MED12L: variants seen among roughly 807,000 people sequenced by gnomAD.
The protein encoded by MED12L is mediator complex subunit 12L, also known as mediator of RNA polymerase II transcription subunit 12-like protein.
Under a neutral mutation model 281.3 loss-of-function variants are expected in MED12L, and 60 were observed. The observed-to-expected ratio is 0.21, with a 90% CI of 0.17 to 0.26. MED12L has a LOEUF of 0.26. Ranked by LOEUF, MED12L falls within the 10% of genes least tolerant of loss-of-function variation. The pLI, the probability that MED12L is intolerant of heterozygous loss-of-function variation, is 1.00. For missense variants in MED12L, 2,146 were observed against 2,680.9 expected, an observed-to-expected ratio of 0.80 and a Z score of 4.41; for synonymous variants, 974 against 987.2, an observed-to-expected ratio of 0.99 and a Z score of 0.25.
intron 10 of MED12L, 24 bp from the exon 11 acceptor site, chr3:151,165,822 C>T: frequency 2.5e-6 from 4 of 1,604,716 alleles, no homozygotes; most frequent in Non-Finnish European, 3.4e-6. Context: ...CCTCATTAAC[C>T]ACTTGTTTAA....
chr3:151,296,612 T>C (rs889130222), intron 16 of MED12L, among the ~76,000 whole-genome samples: 2 of 152,078 alleles, frequency 1.3e-5, no homozygotes, highest in African/African-American at 2.4e-5. Context: ...CACAAGTGGT[T>C]GGAAGGCTGT....
At chr3:151,387,307 G>T (rs905839262) in intron 36 of MED12L, among the ~76,000 whole-genome samples, 1 of 151,948 alleles carries the variant, frequency 6.6e-6, no homozygotes, top group East Asian at 1.9e-4. Context: ...TCAGAGTATG[G>T]CTTATTAAGT....
intron 2 of MED12L, 89 bp from the exon 3 acceptor site, chr3:151,116,249 C>A: frequency 1.2e-6 from 1 of 848,142 alleles, no homozygotes; most frequent in Non-Finnish European, 1.9e-6. Context: ...CAGAGTATAA[C>A]AAATTTAGCC....
intron 16 of MED12L, chr3:151,295,094 A>G (rs1290524152): frequency 1.2e-6 from 2 of 1,613,412 alleles, no homozygotes; most frequent in African/African-American, 1.3e-5. Context: ...CACAAATATA[A>G]TGAGATAAAG....
intron 16 of MED12L, among the ~76,000 whole-genome samples, chr3:151,285,207 G>A (rs1348091609): frequency 5.9e-5 from 9 of 152,128 alleles, no homozygotes; most frequent in East Asian, 1.9e-4. Flanking sequence ...TGGACTGGCC[G>A]GACGTGGTGG....
intron 5 of MED12L, among the ~76,000 whole-genome samples, chr3:151,149,337 T>G (rs1273288024): frequency 6.6e-6 from 1 of 152,236 alleles, no homozygotes; most frequent in African/African-American, 2.4e-5. Context: ...TACAATAAAG[T>G]GAATCACATG....
In MED12L at chr3:151,365,194, A is replaced by G; in HGVS notation, c.3173A>G (p.Gln1058Arg). 1 of 1,613,816 alleles carries G rather than the reference A, an allele frequency of 6.2e-7. No homozygotes were observed. The highest frequency in any genetic ancestry group is 8.5e-7 in the Non-Finnish European group (1 of 1,179,698). Residue 1058 changes from glutamine (Q) to arginine (R), a missense_variant, in exon 22 of 45, where the codon CAG (glutamine) becomes CGG (arginine). By Grantham distance (43) the Gln-to-Arg change is conservative. Around this residue, in one of 9 missense-constraint regions of MED12L, gnomAD observed 404 missense variants for 603.5 expected, o/e 0.67. Transcript: ENST00000687756. ...NTLMNVCMGH[Q>R]DAGRINDIAN... The stretch of plus-strand genomic sequence containing the variant: ...CTCATGAATGTATGTATGGGCCATC[A>G]GGATGCTGGCAGGTGAGATGGGTTA...
At chr3:151,419,236 T>C (rs1217791031) in intron 43 of MED12L, among the ~76,000 whole-genome samples, 6 of 152,216 alleles carry the variant, frequency 3.9e-5, no homozygotes, top group African/African-American at 1.4e-4. Flanking sequence ...ATGGAATAGA[T>C]ATGTATATAT....
At chr3:151,221,869 C>G (rs1292976717) in intron 16 of MED12L, among the ~76,000 whole-genome samples, 3 of 152,172 alleles carry the variant, frequency 2.0e-5, no homozygotes, top group East Asian at 3.9e-4. Context: ...GGGCCAACAT[C>G]CTCCACACTC....
At chr3:151,325,143 A>T (rs1230085285) in intron 16 of MED12L, among the ~76,000 whole-genome samples, 2 of 152,234 alleles carry the variant, frequency 1.3e-5, no homozygotes, top group African/African-American at 4.8e-5. Flanking sequence ...TGATTGTTTT[A>T]TAAGTTATGA....
At chr3:151,293,193 T>C (rs1213803955) in intron 16 of MED12L, among the ~76,000 whole-genome samples, 6 of 152,224 alleles carry the variant, frequency 3.9e-5, no homozygotes, top group African/African-American at 1.4e-4. Context: ...ATGATAGTCA[T>C]TGTTGAGCTA....
intron 28 of MED12L, 37 bp from the exon 29 acceptor site, chr3:151,376,762 GA>G (rs779153678): frequency 4.4e-5 from 66 of 1,504,682 alleles, no homozygotes; most frequent in Non-Finnish European, 5.6e-5. Flanking sequence ...TAACACATTT[GA>G]TACCCATAAT....
intron 32 of MED12L, among the ~76,000 whole-genome samples, chr3:151,381,655 A>G (rs1712370741): frequency 6.6e-6 from 1 of 152,198 alleles, no homozygotes; most frequent in Non-Finnish European, 1.5e-5. Context: ...ACCTCTAAAA[A>G]TAGGACCACA....
intron 16 of MED12L, among the ~76,000 whole-genome samples, chr3:151,346,722 G>A (rs924701114): frequency 2.0e-5 from 3 of 151,964 alleles, no homozygotes; most frequent in Non-Finnish European, 4.4e-5. Flanking sequence ...AGCTCTCTTA[G>A]CCCTTCTTCC....
intron 4 of MED12L, among the ~76,000 whole-genome samples, chr3:151,123,788 G>A (rs1256899242): frequency 2.0e-5 from 3 of 152,004 alleles, no homozygotes; most frequent in South Asian, 4.2e-4. Context: ...CAGTTTATAG[G>A]GGAGCTCTTT....
At chr3:151,169,119 T>TTTTTTTTTTTTTTTTTTTG (rs1721096859) in intron 11 of MED12L, among the ~76,000 whole-genome samples, 1 of 141,764 alleles carries the variant, frequency 7.1e-6, no homozygotes, top group African/African-American at 2.6e-5. Context: ...TTTTTTTTTT[T>TTTTTTTTTTTTTTTTTTTG]TTGTTTTTTT....
chr3:151,409,994 G>A (rs1049785571), intron 40 of MED12L, among the ~76,000 whole-genome samples: 7 of 152,076 alleles, frequency 4.6e-5, no homozygotes, highest in African/African-American at 1.4e-4. Flanking sequence ...TTCAAAGATA[G>A]CATCAATGAG....
At chr3:151,310,475 G>C (rs1039454515) in intron 16 of MED12L, among the ~76,000 whole-genome samples, 2 of 152,118 alleles carry the variant, frequency 1.3e-5, no homozygotes, top group African/African-American at 4.8e-5. Context: ...TACAACATTG[G>C]TTCTTTATGT....
chr3:151,307,108 A>G (rs961556357), intron 16 of MED12L, among the ~76,000 whole-genome samples: 9 of 152,214 alleles, frequency 5.9e-5, no homozygotes, highest in African/African-American at 2.2e-4. Context: ...TAGAAAGTTT[A>G]TTTGAAAGAT....
Sources: allele counts gnomAD v4.1 joint callset (sites outside exome capture counted in the v4.1 genomes callset), GRCh38; gene constraint gnomAD v4.1.1; regional missense constraint gnomAD v4.1.1; transcripts MANE v1.5; gene names NCBI Gene and HGNC (gene_info 2026-07-23, HGNC 2026-07-21).